GRM3: variants seen among roughly 807,000 people sequenced by gnomAD.
The protein encoded by GRM3 is glutamate metabotropic receptor 3.
GRM3 carries 26 observed loss-of-function variants against 70.5 expected under a neutral mutation model. The ratio of observed to expected loss-of-function variants is 0.37; its 90% confidence interval spans 0.27 to 0.51. GRM3 has a LOEUF of 0.51. GRM3 is among the 20% of genes least tolerant of loss of function. GRM3 has a pLI of 0.93. For missense variants in GRM3, 859 were observed against 1,123.8 expected (o/e 0.76, Z 3.37); for synonymous variants, 443 against 434.9 (o/e 1.02, Z -0.23).
chr7:86,739,165 T>G (rs895002850), intron 1 of GRM3, among the ~76,000 whole-genome samples: 3 of 152,144 alleles, frequency 2.0e-5, no homozygotes, highest in Admixed American at 6.5e-5. Context: ...TTAGTAGAGA[T>G]GGGGTTTCAC....
rs1438121782 is a variant in GRM3, at chr7:86,786,107, T to A, written c.469-154T>A. On this transcript the variant is annotated intron_variant, in intron 2 of 5. Transcript: ENST00000361669. This position sits in a 1 kb window ranked among gnomAD's most constrained non-coding sequence, Gnocchi z 6.0. ...CCAAAATACAGTATCCAAGGAAGCATCTGGTATTCATCTCAAGAACTAACA... is the reference window on the plus strand; with the variant it reads ...CCAAAATACAGTATCCAAGGAAGCAACTGGTATTCATCTCAAGAACTAACA... 5.8e-6 allele frequency: 4 copies of A among 690,274 alleles called. No individual in the cohort carries two copies. Among genetic ancestry groups the A allele is most frequent in the Non-Finnish European group, 1.0e-5 (4 of 395,256 alleles). The allele number at this position is 690,274 out of a possible 1,614,324, so 42.8% of individuals were successfully genotyped here. A position where few individuals can be genotyped will look rare whatever the true frequency, so the allele number is the denominator to read the frequency against.
chr7:86,711,600 T>C (rs2116174090), intron 1 of GRM3, among the ~76,000 whole-genome samples: 1 of 152,294 alleles, frequency 6.6e-6, no homozygotes. Context: ...TCTCTATTGG[T>C]CTTCATCTGG....
At chr7:86,668,547 T>A (rs577941429) in intron 1 of GRM3, among the ~76,000 whole-genome samples, 1 of 152,280 alleles carries the variant, frequency 6.6e-6, no homozygotes, top group South Asian at 2.1e-4. Context: ...CACAACTTCA[T>A]ATAATCCTTG....
intron 3 of GRM3, among the ~76,000 whole-genome samples, chr7:86,798,256 G>T (rs561602462): frequency 6.6e-6 from 1 of 152,240 alleles, no homozygotes; most frequent in African/African-American, 2.4e-5. Flanking sequence ...AGCTTGCACT[G>T]TGCACCTGGA....
At chr7:86,853,317 T>C (rs185953659) in intron 5 of GRM3, among the ~76,000 whole-genome samples, 3 of 152,292 alleles carry the variant, frequency 2.0e-5, no homozygotes, top group Admixed American at 6.5e-5. Context: ...CAATCAAAGA[T>C]GTTTAAAGGC....
intron 2 of GRM3, among the ~76,000 whole-genome samples, chr7:86,779,580 A>T (rs1796989021): frequency 6.6e-6 from 1 of 152,194 alleles, no homozygotes; most frequent in Admixed American, 6.5e-5. Context: ...GAGAGTTCTC[A>T]CTCCAGTGGA....
intron 1 of GRM3, among the ~76,000 whole-genome samples, chr7:86,699,063 T>C (rs1794892913): frequency 6.6e-6 from 1 of 151,950 alleles, no homozygotes; most frequent in South Asian, 2.1e-4. Flanking sequence ...GATTTTAAAG[T>C]AAAAAATTAT....
chr7:86,671,484 T>C (rs1794172095), intron 1 of GRM3, among the ~76,000 whole-genome samples: 2 of 152,196 alleles, frequency 1.3e-5, no homozygotes. Flanking sequence ...TGTGCCCATA[T>C]TTTGTTTCCA....
chr7:86,680,575 C>T (rs1003074060), intron 1 of GRM3, among the ~76,000 whole-genome samples: 9 of 152,112 alleles, frequency 5.9e-5, no homozygotes, highest in African/African-American at 1.7e-4. Flanking sequence ...CACTTTAATG[C>T]GCAATACTGG....
chr7:86,668,538 A>C (rs1375938275), intron 1 of GRM3, among the ~76,000 whole-genome samples: 1 of 152,148 alleles, frequency 6.6e-6, no homozygotes, highest in Middle Eastern at 3.2e-3. Flanking sequence ...TTCAGCTACC[A>C]CAACTTCATA....
chr7:86,784,761 G>A (rs1411647558), intron 2 of GRM3: 1 of 152,134 alleles, frequency 6.6e-6, no homozygotes, highest in African/African-American at 2.4e-5. Context: ...GAAAGATTTG[G>A]GGTTTTAATT....
intron 3 of GRM3, among the ~76,000 whole-genome samples, chr7:86,837,589 A>T (rs532835467): frequency 6.6e-6 from 1 of 152,348 alleles, no homozygotes; most frequent in East Asian, 1.9e-4. Flanking sequence ...GAATGGAAAT[A>T]TGTGCCATAT....
chr7:86,653,041 A>C (rs1793645715), intron 1 of GRM3, among the ~76,000 whole-genome samples: 1 of 152,210 alleles, frequency 6.6e-6, no homozygotes. Context: ...TTAAACAACA[A>C]ACATTTATTT....
At chr7:86,694,467 G>A (rs1794765100) in intron 1 of GRM3, among the ~76,000 whole-genome samples, 1 of 136,656 alleles carries the variant, frequency 7.3e-6, no homozygotes, top group African/African-American at 2.7e-5. Flanking sequence ...AGCCGAGATG[G>A]CACCACTGCA....
In GRM3 at chr7:86,786,278, G is replaced by A. The variant is rs1299799869; in HGVS notation, c.486G>A (p.Arg162=). 6.2e-7 allele frequency: 1 copy of A among 1,612,630 alleles called. No homozygotes were observed. Among genetic ancestry groups the A allele is most frequent in the Non-Finnish European group, 8.5e-7 (1 of 1,179,046 alleles). The part of the protein sequence containing the change: ...SVSIQVANLL[R]LFQIPQISYA... ...TCCCCTAGGTGGCAAACCTGCTGCG[G>A]CTCTTCCAGATCCCTCAGATCAGCT... is the stretch of plus-strand genomic sequence containing the variant. Residue 162 remains arginine, a synonymous_variant, in exon 3 of 6, where the codon CGG becomes CGA. Coordinates refer to ENST00000361669, the MANE Select transcript of GRM3 (RefSeq NM_000840.3). This position sits in a 1 kb window ranked among gnomAD's most constrained non-coding sequence, Gnocchi z 6.0.
chr7:86,649,783 G>C (rs1793563171), intron 1 of GRM3, among the ~76,000 whole-genome samples: 1 of 152,016 alleles, frequency 6.6e-6, no homozygotes, highest in Admixed American at 6.6e-5. Flanking sequence ...AGAAAGAAAA[G>C]GTAGCTAATA....
At chr7:86,662,101 T>G (rs1793908953) in intron 1 of GRM3, among the ~76,000 whole-genome samples, 1 of 151,930 alleles carries the variant, frequency 6.6e-6, no homozygotes, top group South Asian at 2.1e-4. Flanking sequence ...TGCAAATGTC[T>G]TAACCAAATT....
chr7:86,656,804 TA>T (rs1244401839), intron 1 of GRM3, among the ~76,000 whole-genome samples: 10 of 152,072 alleles, frequency 6.6e-5, no homozygotes, highest in Admixed American at 3.9e-4. Flanking sequence ...AATGTTTCTA[TA>T]GGGGGCTACC....
At chr7:86,661,881 A>G (rs1032796096) in intron 1 of GRM3, among the ~76,000 whole-genome samples, 3 of 151,888 alleles carry the variant, frequency 2.0e-5, no homozygotes, top group African/African-American at 7.2e-5. Context: ...TCCTCCATAA[A>G]GCATAATAGG....
Sources: gnomAD v4.1 joint callset for allele counts (sites outside exome capture counted in the v4.1 genomes callset) on GRCh38, gnomAD v4.1.1 for gene constraint, Gnocchi (gnomAD v3.1) non-coding constraint, MANE v1.5 for transcripts, NCBI Gene and HGNC (gene_info 2026-07-23, HGNC 2026-07-21) for gene names.